KDM6B: variants seen among roughly 807,000 people sequenced by gnomAD.
KDM6B encodes lysine-specific demethylase 6B.
Under a neutral mutation model 150.4 loss-of-function variants are expected in KDM6B, and 22 were observed. That is an observed-to-expected ratio of 0.15 (90% confidence interval 0.10 to 0.21). KDM6B has a LOEUF of 0.21. Among genes scored for constraint, KDM6B ranks in the 10% least tolerant of loss-of-function variants. The pLI is 1.00. For synonymous variants in KDM6B, 1,148 were observed against 921.1 expected (o/e 1.25, Z -4.46); for missense variants, 1,984 against 2,234.3 (o/e 0.89, Z 2.26).
In KDM6B at chr17:7,853,378, C is replaced by G. The variant is rs954535853; in HGVS notation, c.4906C>G (p.Leu1636Val). 2 of 1,546,918 alleles carry G rather than the reference C, an allele frequency of 1.3e-6. No individual in the cohort carries two copies. The highest frequency in any genetic ancestry group is 1.7e-6 in the Non-Finnish European group (2 of 1,150,288). Residue 1636 changes from leucine to valine, a missense_variant and splice_region_variant, in exon 23 of 24, where the codon CTG (leucine) becomes GTG (valine). Around this residue, in one of 13 missense-constraint regions of KDM6B, gnomAD observed 58 missense variants for 76.4 expected, o/e 0.76. Coordinates refer to ENST00000448097, the MANE Select transcript of KDM6B (RefSeq NM_001348716.2). ...ELAQAYDAFT[L>V]APASTSR The stretch of plus-strand genomic sequence containing the variant: ...GGCTCAGGCCTACGACGCCTTCACG[C>G]TGGTGAGGGCCCGGCGGGCGCGCGG...
In KDM6B at chr17:7,847,392, C is replaced by CAGCAGCAGT; in HGVS notation, c.1206_1214dup (p.Ser404_Ser406dup). On this transcript the variant is annotated inframe_insertion, in exon 11 of 24. Transcript: ENST00000448097. ...CTGGCCTCCCCGGCACCACCACCAGCAGCAGCAGTAGCAGCAGCAGCAACA... is the reference window on the plus strand; with the variant it reads ...CTGGCCTCCCCGGCACCACCACCAGCAGCAGCAGTAGCAGCAGTAGCAGCAGCAGCAACA... 1 of 1,613,496 alleles carries CAGCAGCAGT rather than the reference C, an allele frequency of 6.2e-7. No individual in the cohort carries two copies. Among genetic ancestry groups the CAGCAGCAGT allele is most frequent in the Non-Finnish European group, 8.5e-7 (1 of 1,179,962 alleles).
At chr17:7,845,811 T>C (rs747771561) in intron 5 of KDM6B, 61 bp from the exon 6 acceptor site, 2 of 1,587,908 alleles carry the variant, frequency 1.3e-6, no homozygotes, top group Non-Finnish European at 1.7e-6. Context: ...AGCCCCCTCC[T>C]GCCTAGGTAG....
At chr17:7,850,722 C>T (rs74613998) in intron 14 of KDM6B, among the ~76,000 whole-genome samples, 3,316 of 152,324 alleles carry the variant, frequency 0.022, 57 homozygotes, top group Middle Eastern at 0.085. Context: ...CATTGAGCAC[C>T]TACTATGTGT....
intron 1 of KDM6B, among the ~76,000 whole-genome samples, chr17:7,835,717 C>T (rs2078322148): frequency 6.6e-6 from 1 of 152,102 alleles, no homozygotes; most frequent in Non-Finnish European, 1.5e-5. Context: ...TGCCTGGGAC[C>T]CGCACGTGCA....
In KDM6B at chr17:7,837,287, T is replaced by TGCGG. The variant is rs746549737; in HGVS notation, c.-387-2618_-387-2617insCGGG. 2.0e-5 allele frequency among the ~76,000 whole-genome samples: 3 copies of TGCGG among 150,864 alleles called. No homozygotes were observed. In the South Asian group the frequency reaches 6.3e-4, roughly 32 times the overall value. Reference sequence around the variant, plus strand: ...AAAGACGGAAGAGTTGTGTGTAGTATGGGGGGGGGTTCACTACACACCAGC... The same window carrying TGCGG: ...AAAGACGGAAGAGTTGTGTGTAGTATGCGGGGGGGGGGGTTCACTACACACCAGC... On this transcript the variant is annotated intron_variant, in intron 1 of 23. Transcript: ENST00000448097.
Position 7,846,859 on chromosome 17 carries a change from T to TACAACC in KDM6B, c.754_755insAACCAC (p.Leu251_Pro252insGlnPro). On this transcript the variant is annotated inframe_insertion, in exon 10 of 24. Transcript: ENST00000448097. ...GGGCTGCCACTGCCTCCACCACCAT[T>TACAACC]ACCACCACCACCACCACCACCACCA... 1 of 1,214,734 alleles carries TACAACC rather than the reference T, an allele frequency of 8.2e-7. No homozygotes were observed. The highest frequency in any genetic ancestry group is 1.1e-6 in the Non-Finnish European group (1 of 870,084). 75.2% of individuals were successfully genotyped at this position (1,214,734 alleles called of 1,614,324 possible).
chr17:7,853,778 A>C lies in KDM6B; in HGVS notation c.*257A>C, dbSNP rs1597862938. 3.5e-6 allele frequency: 1 copy of C among 282,646 alleles called. No homozygotes were observed. The highest frequency in any genetic ancestry group is 1.2e-4 in the South Asian group (1 of 8,466). The allele number at this position is 282,646 out of a possible 1,614,324, so 17.5% of individuals were successfully genotyped here. Reference sequence around the variant, plus strand: ...CCCTCGCCCACCAGCGCCTCCCCTCACCGACTTTGGCCTTTTTAGCAACAG... The same window carrying C: ...CCCTCGCCCACCAGCGCCTCCCCTCCCCGACTTTGGCCTTTTTAGCAACAG... On this transcript the variant is annotated 3_prime_UTR_variant, in exon 24 of 24. Coordinates refer to ENST00000448097, the MANE Select transcript of KDM6B (RefSeq NM_001348716.2).
At chr17:7,847,052 A>G in intron 10 of KDM6B, 36 bp downstream of exon 10, 2 of 1,610,768 alleles carry the variant, frequency 1.2e-6, no homozygotes, top group South Asian at 2.2e-5. Flanking sequence ...CCTCTCACCT[A>G]CAAGTCCCAC....
chr17:7,845,924 C>T lies in KDM6B; in HGVS notation c.190C>T (p.His64Tyr). ...GCTTCCTGCTCCCCTACCCCCTTCA[C>T]ATGGCAGTAGTTCTGGGCACCCCAG... Reference protein sequence around the residue: ...PPLPAPLPPSHGSSSGHPSKP... With the variant: ...PPLPAPLPPSYGSSSGHPSKP... The change falls in exon 6 of 24, where the codon CAT becomes TAT. Residue 64 changes from histidine to tyrosine, a missense_variant. Physicochemically the swap from His to Tyr is moderately conservative, Grantham distance 83. This residue lies in a region of KDM6B where 337 missense variants were observed against 323.9 expected (regional missense o/e 1.04). Transcript: ENST00000448097. 6.2e-7 allele frequency: 1 copy of T among 1,614,146 alleles called. No individual in the cohort carries two copies. The highest frequency in any genetic ancestry group is 8.5e-7 in the Non-Finnish European group (1 of 1,179,966).
chr17:7,837,226 C>A (rs2151367435), intron 1 of KDM6B, among the ~76,000 whole-genome samples: 1 of 152,252 alleles, frequency 6.6e-6, no homozygotes, highest in Admixed American at 6.5e-5. Flanking sequence ...GTCCTATTGC[C>A]CCCTTCCCCA....
rs1394175823 is a variant in KDM6B at position 7,844,533 on chromosome 17, G to A, written c.-268-368G>A. On this transcript the variant is annotated intron_variant, in intron 2 of 23. Transcript: ENST00000448097. This position sits in a 1 kb window ranked among gnomAD's most constrained non-coding sequence, Gnocchi z 5.9. ...TCACTGGGCGAGGTGAAGTGAGGAA[G>A]GGGAGGGACGTCTTTTTTGCGTTCT... Among the ~76,000 whole-genome samples the A allele has an allele frequency of 6.6e-6, 1 of 152,174 alleles. No individual in the cohort carries two copies. Among genetic ancestry groups the A allele is most frequent in the East Asian group, 1.9e-4 (1 of 5,170 alleles).
chr17:7,849,271 G>C lies in KDM6B; in HGVS notation c.2983G>C (p.Gly995Arg). Residue 995 changes from glycine (G) to arginine (R), a missense_variant, in exon 12 of 24, where the codon GGT (glycine) becomes CGT (arginine). By Grantham distance (125) the Gly-to-Arg change is moderately radical. This residue lies in a region of KDM6B where 1,379 missense variants were observed against 1,275.6 expected (regional missense o/e 1.08). Transcript: ENST00000448097. ...CAGGCGGGCCTGTAAGGACAGTGTG[G>C]GTCGTCGGCCCCGTGAGGGCAGGGC... ...RHRRACKDSV[G>R]RRPREGRAKA... 6.4e-6 allele frequency: 10 copies of C among 1,556,184 alleles called. No individual in the cohort carries two copies. Among genetic ancestry groups the C allele is most frequent in the Non-Finnish European group, 8.7e-6 (10 of 1,149,592 alleles).
Position 7,847,660 on chromosome 17 carries a change from C to T in KDM6B, c.1372C>T (p.His458Tyr). The change falls in exon 12 of 24, where the codon CAC becomes TAC. Residue 458 changes from histidine to tyrosine, a missense_variant. Transcript: ENST00000448097. The stretch of plus-strand genomic sequence containing the variant: ...CTTGGGGGCTCCCGCTGCCACTCCC[C>T]ACCTATCCCTGCCACCTGGACCTTC... ...PFLGAPAATP[H>Y]LSLPPGPSSP... The T allele has an allele frequency of 6.2e-7, 1 of 1,609,150 alleles. No homozygotes were observed. Among genetic ancestry groups the T allele is most frequent in the South Asian group, 1.1e-5 (1 of 90,682 alleles).
At chr17:7,851,873 A>G (rs2078703121) in intron 18 of KDM6B, 77 bp downstream of exon 18, 13 of 1,584,706 alleles carry the variant, frequency 8.2e-6, no homozygotes, top group East Asian at 2.3e-5. Flanking sequence ...CCGTCAGCCA[A>G]TGAGGGCAGA....
chr17:7,845,519 G>C lies in KDM6B; in HGVS notation c.-5-31G>C, dbSNP rs760202595. The C allele has an allele frequency of 5.0e-6, 8 of 1,613,926 alleles. No individual in the cohort carries two copies. In the South Asian group the frequency reaches 8.8e-5, roughly 18 times the overall value. Reference sequence around the variant, plus strand: ...ACTGGCAGCTCTGGTTTTGCCTCCAGTAAGAGCATAATTTCTTATCCCCAA... The same window carrying C: ...ACTGGCAGCTCTGGTTTTGCCTCCACTAAGAGCATAATTTCTTATCCCCAA... On this transcript the variant is annotated intron_variant, in intron 4 of 23. Transcript: ENST00000448097.
Position 7,847,940 on chromosome 17 carries a change from C to T in KDM6B, c.1652C>T (p.Thr551Ile). The T allele has an allele frequency of 1.9e-6, 3 of 1,611,294 alleles. No homozygotes were observed. Among genetic ancestry groups the T allele is most frequent in the Non-Finnish European group, 2.5e-6 (3 of 1,178,982 alleles). Residue 551 changes from threonine to isoleucine, a missense_variant, in exon 12 of 24, where the codon ACC becomes ATC. Thr to Ile is a moderately conservative substitution (Grantham distance 89). This residue lies in a region of KDM6B where 1,379 missense variants were observed against 1,275.6 expected (regional missense o/e 1.08). Coordinates refer to ENST00000448097, the MANE Select transcript of KDM6B (RefSeq NM_001348716.2). Reference sequence around the variant, plus strand: ...CCTCCCACTCCCCCAACCCCAACCACCAGCAGTAGCAACAGCAACAGTGGC... The same window carrying T: ...CCTCCCACTCCCCCAACCCCAACCATCAGCAGTAGCAACAGCAACAGTGGC... The part of the protein sequence containing the change: ...HTPPTPPTPT[T>I]SSSNSNSGSH...
chr17:7,849,281 C>T lies in KDM6B; in HGVS notation c.2993C>T (p.Pro998Leu). 2 of 1,555,522 alleles carry T rather than the reference C, an allele frequency of 1.3e-6. No homozygotes were observed. Among genetic ancestry groups the T allele is most frequent in the Non-Finnish European group, 1.7e-6 (2 of 1,149,386 alleles). ...TGTAAGGACAGTGTGGGTCGTCGGC[C>T]CCGTGAGGGCAGGGCAAAGGCCAAG... ...RACKDSVGRR[P>L]REGRAKAKAK... is the part of the protein sequence containing the mutation. The change falls in exon 12 of 24, where the codon CCC becomes CTC. Residue 998 changes from proline (P) to leucine (L), a missense_variant. By Grantham distance (98) the Pro-to-Leu change is moderately conservative. Transcript: ENST00000448097.
rs756943845 is a variant in KDM6B at position 7,850,158 on chromosome 17, G to A, written c.3654G>A (p.Leu1218=). ...PRNPITVIRG[L]AGSLRLNLGL... is the part of the protein sequence containing the mutation. ...ATCCCATCACAGTGATCCGGGGCCT[G>A]GCGGGCTCCCTGCGGCTCAGTGAGT... The change falls in exon 14 of 24, where the codon CTG becomes CTA. Residue 1218 remains leucine, a synonymous_variant. Coordinates refer to ENST00000448097, the MANE Select transcript of KDM6B (RefSeq NM_001348716.2). The A allele has an allele frequency of 2.5e-6, 4 of 1,613,648 alleles. No individual in the cohort carries two copies. Among genetic ancestry groups the A allele is most frequent in the Non-Finnish European group, 3.4e-6 (4 of 1,179,988 alleles).
chr17:7,837,775 T>G (rs2078353409), intron 1 of KDM6B, among the ~76,000 whole-genome samples: 1 of 152,174 alleles, frequency 6.6e-6, no homozygotes, highest in African/African-American at 2.4e-5. Context: ...AATGAGTGCT[T>G]GTTGTTATGA....
Sources: gnomAD v4.1 joint callset for allele counts (sites outside exome capture counted in the v4.1 genomes callset) on GRCh38, gnomAD v4.1.1 for gene constraint, gnomAD v4.1.1 regional missense constraint, Gnocchi (gnomAD v3.1) non-coding constraint, MANE v1.5 for transcripts, NCBI Gene and HGNC (gene_info 2026-07-23, HGNC 2026-07-21) for gene names.